The following NRAP variants were observed in gnomAD, a reference collection of about 807,000 sequenced individuals.
NRAP encodes nebulin related anchoring protein.
A neutral mutation model predicts 225.9 loss-of-function variants in NRAP; 189 were observed. The observed-to-expected ratio is 0.84, with a 90% CI of 0.74 to 0.94. The LOEUF is 0.94. NRAP is among the 40% of genes least tolerant of loss of function. The probability of loss-of-function intolerance (pLI) is 0.00; values close to 1 mark genes in which losing one functional copy is unlikely to be tolerated. For synonymous variants in NRAP, 769 were observed against 790.7 expected, an observed-to-expected ratio of 0.97 and a Z score of 0.46; for missense variants, 2,176 against 2,168.7, an observed-to-expected ratio of 1.00 and a Z score of -0.07.
At chr10:113,621,210 C>T (rs909928606) in intron 24 of NRAP, among the ~76,000 whole-genome samples, 1 of 152,078 alleles carries the variant, frequency 6.6e-6, no homozygotes, top group Non-Finnish European at 1.5e-5. Context: ...TCTTTAGTTG[C>T]CATTGAATGA....
intron 39 of NRAP, among the ~76,000 whole-genome samples, chr10:113,591,128 C>T (rs529910379): frequency 5.0e-4 from 76 of 152,308 alleles, no homozygotes; most frequent in Non-Finnish European, 8.5e-4. Flanking sequence ...TAGGAGGTTG[C>T]GAGGATTCAA....
chr10:113,597,295 GA>G (rs570916579), intron 36 of NRAP, 111 bp from the exon 37 acceptor site: 12 of 720,652 alleles, frequency 1.7e-5, no homozygotes, highest in South Asian at 1.6e-4. Flanking sequence ...CATATTGTTG[GA>G]AAACAAGCCT....
At chr10:113,662,026 AG>A (rs1850709907) in intron 3 of NRAP, among the ~76,000 whole-genome samples, 1 of 152,182 alleles carries the variant, frequency 6.6e-6, no homozygotes, top group Non-Finnish European at 1.5e-5. Flanking sequence ...AACAGTCTTG[AG>A]CTGGTCAAGA....
intron 28 of NRAP, 77 bp from the exon 29 acceptor site, chr10:113,614,373 A>G: frequency 2.9e-6 from 3 of 1,037,524 alleles, no homozygotes; most frequent in Non-Finnish European, 4.5e-6. Context: ...GCATTGGGTG[A>G]AAATGTTTTG....
chr10:113,602,686 G>A (rs926890230), intron 35 of NRAP, among the ~76,000 whole-genome samples: 1 of 152,148 alleles, frequency 6.6e-6, no homozygotes, highest in Non-Finnish European at 1.5e-5. Context: ...TGTTGCTATC[G>A]ACAATTAATC....
chr10:113,592,931 T>C (rs574109187), intron 38 of NRAP, among the ~76,000 whole-genome samples: 5 of 152,356 alleles, frequency 3.3e-5, no homozygotes, highest in South Asian at 2.1e-4. Flanking sequence ...TTTCATTTTT[T>C]CCCTTTTCAA....
At chr10:113,616,892 G>A (rs3127084) in intron 26 of NRAP, among the ~76,000 whole-genome samples, 74,195 of 151,874 alleles carry the variant, frequency 0.49, 18,706 homozygotes, top group Middle Eastern at 0.66. Context: ...GTCTCCAGCC[G>A]ACCCTGCAAC....
intron 35 of NRAP, among the ~76,000 whole-genome samples, chr10:113,602,677 G>A (rs974689834): frequency 6.6e-6 from 1 of 152,206 alleles, no homozygotes; most frequent in Non-Finnish European, 1.5e-5. Context: ...TACCCCACTT[G>A]TTGCTATCGA....
intron 38 of NRAP, among the ~76,000 whole-genome samples, chr10:113,595,028 A>G (rs924851257): frequency 2.6e-5 from 4 of 152,238 alleles, no homozygotes; most frequent in African/African-American, 9.6e-5. Context: ...TTCTATTACA[A>G]CCAGGGGCCT....
chr10:113,592,324 T>C (rs1402282886), intron 38 of NRAP, 23 bp from the exon 39 acceptor site: 14 of 1,508,404 alleles, frequency 9.3e-6, no homozygotes, highest in Non-Finnish European at 1.3e-5. Flanking sequence ...AACAAAAGCA[T>C]GAGTAAGCAG....
chr10:113,631,668 G>A, intron 17 of NRAP, 58 bp from the exon 18 acceptor site: 1 of 1,190,774 alleles, frequency 8.4e-7, no homozygotes, highest in Non-Finnish European at 1.2e-6. Context: ...CGTCTAAGGG[G>A]CTCTGGTTTT....
chr10:113,661,728 C>A (rs796464105), intron 3 of NRAP, among the ~76,000 whole-genome samples: 7 of 152,216 alleles, frequency 4.6e-5, no homozygotes, highest in African/African-American at 1.7e-4. Flanking sequence ...TCCATATTTA[C>A]CTCCCCATCT....
At chr10:113,645,629 C>A (rs574648932) in intron 11 of NRAP, among the ~76,000 whole-genome samples, 196 bp downstream of exon 11, 1 of 152,336 alleles carries the variant, frequency 6.6e-6, no homozygotes, top group East Asian at 1.9e-4. Flanking sequence ...GTTAGTCAGG[C>A]TGATCTCGAA....
At position 113,651,572 on chromosome 10, in the gene NRAP, A is replaced by T. The variant is rs146910653; in HGVS notation, c.675+231T>A. On this transcript the variant is annotated intron_variant, in intron 7 of 41. Coordinates refer to ENST00000359988, the MANE Select transcript of NRAP (RefSeq NM_198060.4). ...TGTTCTCATTGCTCAGCTCCCACTT[A>T]TAAGTGAGAACATGGGGTGTTTGGT... Among the ~76,000 whole-genome samples, 1,506 of 152,186 alleles carry T rather than the reference A, an allele frequency of 9.9e-3. 15 individuals are homozygous for T. Among genetic ancestry groups the T allele is most frequent in the Middle Eastern group, 0.044 (13 of 294 alleles).
At chr10:113,636,588 T>C (rs943268416) in intron 14 of NRAP, among the ~76,000 whole-genome samples, 2 of 152,206 alleles carry the variant, frequency 1.3e-5, no homozygotes, top group African/African-American at 4.8e-5. Flanking sequence ...AGGAGATTGT[T>C]GTGATGCAAC....
intron 23 of NRAP, 136 bp from the exon 24 acceptor site, chr10:113,622,316 C>T (rs1848045731): frequency 4.8e-6 from 3 of 625,156 alleles, no homozygotes; most frequent in Non-Finnish European, 8.3e-6. Flanking sequence ...GAAAGTTTGC[C>T]TTTTTGAGCA....
At chr10:113,647,415 C>A (rs1592851330) in intron 9 of NRAP, among the ~76,000 whole-genome samples, 1 of 151,810 alleles carries the variant, frequency 6.6e-6, no homozygotes, top group Non-Finnish European at 1.5e-5. Flanking sequence ...AGTGGCAGAT[C>A]TATGTAGAGA....
chr10:113,641,571 T>A, intron 12 of NRAP, 99 bp from the exon 13 acceptor site: 1 of 722,930 alleles, frequency 1.4e-6, no homozygotes. Context: ...GCATAAATGA[T>A]TAAATATAAC....
Position 113,663,959 on chromosome 10 carries a change from C to G in NRAP, c.-77G>C. ...GGAGAACCCCCAGTCTAGTTCAAGT[C>G]TTCAAAATCCGACGACCATAAAATT... is the stretch of plus-strand genomic sequence containing the variant. On this transcript the variant is annotated 5_prime_UTR_variant, in exon 1 of 42. Coordinates refer to ENST00000359988, the MANE Select transcript of NRAP (RefSeq NM_198060.4). 9.0e-7 allele frequency: 1 copy of G among 1,105,512 alleles called. No homozygotes were observed. The highest frequency in any genetic ancestry group is 1.4e-6 in the Non-Finnish European group (1 of 723,232). 68.5% of individuals were successfully genotyped at this position (1,105,512 alleles called of 1,614,324 possible). A position where few individuals can be genotyped will look rare whatever the true frequency, so the allele number is the denominator to read the frequency against.
Sources: allele counts gnomAD v4.1 joint callset (sites outside exome capture counted in the v4.1 genomes callset), GRCh38; gene constraint gnomAD v4.1.1; transcripts MANE v1.5; gene names NCBI Gene and HGNC (gene_info 2026-07-23, HGNC 2026-07-21).